The following ARL15 variants were observed in gnomAD, a reference collection of about 807,000 sequenced individuals.
ARL15 encodes the protein ADP-ribosylation factor-like protein 15.
ARL15 carries 19 observed loss-of-function variants against 25.2 expected under a neutral mutation model. The observed-to-expected ratio is 0.75, with a 90% CI of 0.53 to 1.10. The LOEUF (loss-of-function observed/expected upper bound fraction) is 1.10. Among genes scored for constraint, ARL15 ranks in the 50% least tolerant of loss-of-function variants. ARL15 has a pLI of 0.00. For synonymous variants in ARL15, 94 were observed against 86.8 expected, an observed-to-expected ratio of 1.08 and a Z score of -0.46; for missense variants, 220 against 246.0, an observed-to-expected ratio of 0.89 and a Z score of 0.71.
intron 1 of ARL15, among the ~76,000 whole-genome samples, chr5:54,185,559 C>T (rs988631563): frequency 1.3e-5 from 2 of 152,254 alleles, no homozygotes; most frequent in African/African-American, 4.8e-5. Flanking sequence ...CAGATGTGCT[C>T]CCCAGTGATG....
chr5:53,887,091 C>T (rs560582080), intron 4 of ARL15, among the ~76,000 whole-genome samples: 1 of 152,236 alleles, frequency 6.6e-6, no homozygotes, highest in Admixed American at 6.5e-5. Context: ...ACTATCTCAC[C>T]TTGCCAACTT....
chr5:53,915,873 C>T (rs1425382197), intron 4 of ARL15, among the ~76,000 whole-genome samples: 1 of 152,178 alleles, frequency 6.6e-6, no homozygotes, highest in Non-Finnish European at 1.5e-5. Context: ...TGTCAGGTGA[C>T]TTTAAGTGAT....
In ARL15 at chr5:53,941,279, TA is replaced by T. The variant is rs532511597; in HGVS notation, c.463-54567del. 1.1e-4 allele frequency among the ~76,000 whole-genome samples: 17 copies of T among 152,142 alleles called. No individual in the cohort carries two copies. In the South Asian group the frequency reaches 3.3e-3, roughly 30 times the overall value. ...ACAATAAAATGTGCCTGCAATCCTT[TA>T]AAAAAAGGATTATGTATACAGAACT... On this transcript the variant is annotated intron_variant, in intron 4 of 4. Transcript: ENST00000504924.
chr5:54,265,375 C>A (rs763740641), intron 1 of ARL15, among the ~76,000 whole-genome samples: 2 of 152,248 alleles, frequency 1.3e-5, no homozygotes, highest in African/African-American at 4.8e-5. Flanking sequence ...AGTGCTGCCA[C>A]TTTAAAGACT....
At position 53,933,233 on chromosome 5, in the gene ARL15, G is replaced by A. The variant is rs373295160; in HGVS notation, c.463-46520C>T. On this transcript the variant is annotated intron_variant, in intron 4 of 4. Transcript: ENST00000504924. ...GGGTATAGGTAGAATTACTCTCTAAGAGAAGAGATTAATCAAATCTAGAAG... is the reference window on the plus strand; with the variant it reads ...GGGTATAGGTAGAATTACTCTCTAAAAGAAGAGATTAATCAAATCTAGAAG... 1.2e-4 allele frequency among the ~76,000 whole-genome samples: 19 copies of A among 152,252 alleles called. No individual in the cohort carries two copies. The East Asian group carries it at 2.7e-3, about 22-fold the overall frequency.
chr5:54,121,759 G>C (rs1035917740), intron 3 of ARL15, among the ~76,000 whole-genome samples: 3 of 152,106 alleles, frequency 2.0e-5, no homozygotes, highest in African/African-American at 7.2e-5. Context: ...TATCATCTAA[G>C]TAACATGAAA....
chr5:54,226,786 G>A (rs569152695), intron 1 of ARL15, among the ~76,000 whole-genome samples: 13 of 152,114 alleles, frequency 8.5e-5, no homozygotes, highest in South Asian at 4.1e-4. Context: ...CATCTGATAC[G>A]GTGTGGCTAT....
chr5:54,206,460 A>G (rs1474408653), intron 1 of ARL15, among the ~76,000 whole-genome samples: 2 of 152,206 alleles, frequency 1.3e-5, no homozygotes, highest in Non-Finnish European at 2.9e-5. Flanking sequence ...AAGGGAAAGA[A>G]CAGGGTGCCT....
At chr5:54,048,027 T>C (rs957559134) in intron 4 of ARL15, 1 of 152,350 alleles carries the variant, frequency 6.6e-6, no homozygotes, top group East Asian at 1.9e-4. Flanking sequence ...TAAAGTTATG[T>C]TGCCCAGGCT....
chr5:54,215,620 G>C (rs762296025), intron 1 of ARL15, among the ~76,000 whole-genome samples: 6 of 136,668 alleles, frequency 4.4e-5, no homozygotes, highest in South Asian at 2.3e-4. Context: ...GTGCGCGAAG[G>C]GGGGAGGGGG....
intron 1 of ARL15, among the ~76,000 whole-genome samples, chr5:54,218,072 AC>A (rs1236914996): frequency 1.3e-5 from 2 of 152,164 alleles, no homozygotes; most frequent in African/African-American, 4.8e-5. Flanking sequence ...TCTACCGACA[AC>A]TTTTACCAGT....
chr5:54,036,595 A>AT (rs1554035666), intron 4 of ARL15, among the ~76,000 whole-genome samples: 1 of 152,048 alleles, frequency 6.6e-6, no homozygotes, highest in Non-Finnish European at 1.5e-5. Context: ...GAAAAAAAAA[A>AT]CTATATTTTT....
intron 1 of ARL15, among the ~76,000 whole-genome samples, chr5:54,193,392 C>T (rs1755459921): frequency 6.6e-6 from 1 of 152,148 alleles, no homozygotes; most frequent in Admixed American, 6.5e-5. Flanking sequence ...CGGTACTGGT[C>T]CATGGCCTGT....
chr5:54,195,411 C>G (rs1755523003), intron 1 of ARL15, among the ~76,000 whole-genome samples: 1 of 152,176 alleles, frequency 6.6e-6, no homozygotes, highest in South Asian at 2.1e-4. Flanking sequence ...ACTACAACAA[C>G]TGAAGGCCCC....
intron 1 of ARL15, among the ~76,000 whole-genome samples, chr5:54,198,428 G>C (rs1247534320): frequency 6.6e-6 from 1 of 151,740 alleles, no homozygotes; most frequent in Admixed American, 6.6e-5. Flanking sequence ...TCCTTAAGCT[G>C]ATAAGCAACT....
chr5:53,982,703 T>C (rs892644630), intron 4 of ARL15, among the ~76,000 whole-genome samples: 18 of 152,206 alleles, frequency 1.2e-4, no homozygotes, highest in Non-Finnish European at 2.2e-4. Flanking sequence ...ATATATCCAG[T>C]AATGGGATTG....
At chr5:54,004,928 C>A (rs1350906773) in intron 4 of ARL15, among the ~76,000 whole-genome samples, 5 of 152,168 alleles carry the variant, frequency 3.3e-5, no homozygotes, top group African/African-American at 1.2e-4. Flanking sequence ...CTAACTTAAT[C>A]ATCAAAACAA....
At chr5:54,088,337 A>C (rs1018030809) in intron 4 of ARL15, among the ~76,000 whole-genome samples, 3 of 152,222 alleles carry the variant, frequency 2.0e-5, no homozygotes, top group African/African-American at 7.2e-5. Context: ...TATGTGACTG[A>C]AATGGCAGAA....
chr5:54,209,172 A>C (rs2112502052), intron 1 of ARL15, among the ~76,000 whole-genome samples: 1 of 152,302 alleles, frequency 6.6e-6, no homozygotes, highest in Non-Finnish European at 1.5e-5. Context: ...ATGAAGGAGT[A>C]GGGGGAGGTA....
Sources: allele counts gnomAD v4.1 joint callset (sites outside exome capture counted in the v4.1 genomes callset), GRCh38; gene constraint gnomAD v4.1.1; transcripts MANE v1.5; gene names NCBI Gene and HGNC (gene_info 2026-07-23, HGNC 2026-07-21).